The following RAD23B variants were observed in gnomAD, a reference collection of about 807,000 sequenced individuals.
The protein encoded by RAD23B is RAD23 nucleotide excision repair protein B, also known as lysine-specific demethylase RAD23B.
In RAD23B, 5 loss-of-function variants were observed where a neutral mutation model predicts 49.1. The observed-to-expected ratio is 0.10, with a 90% CI of 0.05 to 0.21. The LOEUF is 0.21. Ranked by LOEUF, RAD23B falls within the 10% of genes least tolerant of loss-of-function variation. The pLI is 1.00. For synonymous variants in RAD23B, 184 were observed against 165.4 expected (o/e 1.11, Z -0.86); for missense variants, 356 against 486.7 (o/e 0.73, Z 2.53).
chr9:107,300,109 T>G (rs1302037710), intron 1 of RAD23B, 32 bp from the exon 2 acceptor site: 1 of 1,585,436 alleles, frequency 6.3e-7, no homozygotes, highest in Admixed American at 1.9e-5. Context: ...TATTTAGACT[T>G]TTTCCAAAAC....
intron 4 of RAD23B, among the ~76,000 whole-genome samples, chr9:107,310,300 T>G (rs1487746885): frequency 1.3e-5 from 2 of 152,130 alleles, no homozygotes; most frequent in Non-Finnish European, 2.9e-5. Context: ...AAGAATAGTC[T>G]TCACTGTGAG....
chr9:107,295,840 A>T (rs1329308873), intron 1 of RAD23B, among the ~76,000 whole-genome samples: 2 of 152,222 alleles, frequency 1.3e-5, no homozygotes, highest in Non-Finnish European at 2.9e-5. Flanking sequence ...AGTACTGACA[A>T]ATAAATGGTG....
Position 107,288,104 on chromosome 9 carries a change from G to C in RAD23B, c.66+4409G>C, listed in dbSNP as rs1833311982. ...GCAGAACAAGATACAGGAAGAAACT[G>C]AGAAATCTGGTACATTTTTGCCAGA... On this transcript the variant is annotated intron_variant, in intron 1 of 9. Coordinates refer to ENST00000358015, the MANE Select transcript of RAD23B (RefSeq NM_002874.5). 2.0e-5 allele frequency among the ~76,000 whole-genome samples: 3 copies of C among 152,290 alleles called. No homozygotes were observed. In the South Asian group the frequency reaches 6.2e-4, roughly 32 times the overall value.
intron 7 of RAD23B, 102 bp downstream of exon 7, chr9:107,322,220 G>A (rs1827124356): frequency 7.4e-7 from 1 of 1,351,116 alleles, no homozygotes; most frequent in Non-Finnish European, 9.9e-7. Flanking sequence ...TCCCAGAGCA[G>A]TCGAATAATT....
chr9:107,306,331 C>T, intron 3 of RAD23B, 48 bp from the exon 4 acceptor site: 1 of 1,554,268 alleles, frequency 6.4e-7, no homozygotes, highest in Non-Finnish European at 8.8e-7. Context: ...AGAGATCAGG[C>T]AGTATGTAGT....
At chr9:107,298,421 C>A (rs570354443) in intron 1 of RAD23B, among the ~76,000 whole-genome samples, 1 of 151,426 alleles carries the variant, frequency 6.6e-6, no homozygotes, top group Non-Finnish European at 1.5e-5. Flanking sequence ...GATTCTTGTA[C>A]CTCGTCCTCC....
In RAD23B at chr9:107,311,952, C is replaced by T. The variant is rs7847325; in HGVS notation, c.553+215C>T. Among the ~76,000 whole-genome samples, 787 of 152,268 alleles carry T rather than the reference C, an allele frequency of 5.2e-3. 6 individuals carry two copies. The highest frequency in any genetic ancestry group is 0.018 in the African/African-American group (758 of 41,552). On this transcript the variant is annotated intron_variant, in intron 5 of 9. Transcript: ENST00000358015. ...TAAAACTTGCTCTGAGTTGAGCCTACTTGGTTAAAGCAAATAAATTTCCAT... is the reference window on the plus strand; with the variant it reads ...TAAAACTTGCTCTGAGTTGAGCCTATTTGGTTAAAGCAAATAAATTTCCAT...
chr9:107,283,725 C>G (rs1228404126), intron 1 of RAD23B, 30 bp downstream of exon 1: 3 of 1,256,102 alleles, frequency 2.4e-6, no homozygotes, highest in South Asian at 1.8e-5. Context: ...GCAGGGGCAG[C>G]CGCGTGCGGG....
rs932544394 is a variant in RAD23B at position 107,329,710 on chromosome 9, C to G, written c.*54C>G. On this transcript the variant is annotated 3_prime_UTR_variant, in exon 10 of 10. Transcript: ENST00000358015. ...CACCAGTGCATTACACTAACTTGTT[C>G]ACTGGATTGTCTGGGATGACTTGGG... is the stretch of plus-strand genomic sequence containing the variant. 8.4e-7 allele frequency: 1 copy of G among 1,186,894 alleles called. No homozygotes were observed. Among genetic ancestry groups the G allele is most frequent in the African/African-American group, 1.5e-5 (1 of 65,338 alleles). 73.5% of individuals were successfully genotyped at this position (1,186,894 alleles called of 1,614,324 possible). A position where few individuals can be genotyped will look rare whatever the true frequency, so the allele number is the denominator to read the frequency against.
At chr9:107,316,773 ACAGT>A (rs1374159395) in intron 5 of RAD23B, among the ~76,000 whole-genome samples, 3 of 152,078 alleles carry the variant, frequency 2.0e-5, no homozygotes, top group Non-Finnish European at 4.4e-5. Context: ...GGTTTCCTGC[ACAGT>A]CAAACTTGCA....
intron 4 of RAD23B, among the ~76,000 whole-genome samples, chr9:107,307,658 T>C (rs866238926): frequency 3.9e-5 from 6 of 152,200 alleles, no homozygotes; most frequent in Admixed American, 6.5e-5. Flanking sequence ...CAGAAAGATA[T>C]AGTTGTGATC....
Position 107,318,867 on chromosome 9 carries a change from G to A in RAD23B, c.669G>A (p.Glu223=), listed in dbSNP as rs745838207. Residue 223 remains glutamate, a synonymous_variant, in exon 6 of 10, where the codon GAG becomes GAA. Coordinates refer to ENST00000358015, the MANE Select transcript of RAD23B (RefSeq NM_002874.5). This position sits in a 1 kb window ranked among gnomAD's most constrained non-coding sequence, Gnocchi z 4.3. The part of the protein sequence containing the change: ...ASFNNPDRAV[E]YLLMGIPGDR... ...TCAACAACCCTGACAGAGCAGTGGA[G>A]TATCTTTTAATGGTGAGAAATATGT... is the stretch of plus-strand genomic sequence containing the variant. The A allele has an allele frequency of 6.2e-7, 1 of 1,612,212 alleles. No homozygotes were observed. Among genetic ancestry groups the A allele is most frequent in the South Asian group, 1.1e-5 (1 of 90,788 alleles).
At chr9:107,325,033 T>C (rs753870636) in intron 9 of RAD23B, 29 bp downstream of exon 9, 1 of 1,595,112 alleles carries the variant, frequency 6.3e-7, no homozygotes, top group African/African-American at 1.3e-5. Flanking sequence ...TTAAAAAAAT[T>C]AGTTCTTGGC....
chr9:107,324,900 C>G lies in RAD23B; in HGVS notation c.1012C>G (p.Gln338Glu), dbSNP rs1564253058. The change falls in exon 9 of 10, where the codon CAA becomes GAA. Residue 338 changes from glutamine (Q) to glutamate (E), a missense_variant. Gln to Glu is a conservative substitution (Grantham distance 29, BLOSUM62 2). This residue lies in a region of RAD23B where 148 missense variants were observed against 231.7 expected (regional missense o/e 0.64). Coordinates refer to ENST00000358015, the MANE Select transcript of RAD23B (RefSeq NM_002874.5). ...TGAACCAGTTCAAGAAGCTGGTGGT[C>G]AAGGAGGAGGAGGTGGAGGTGGCAG... ...LNEPVQEAGG[Q>E]GGGGGGGSGG... The G allele has an allele frequency of 6.2e-7, 1 of 1,613,388 alleles. No homozygotes were observed. Among genetic ancestry groups the G allele is most frequent in the Non-Finnish European group, 8.5e-7 (1 of 1,179,854 alleles).
intron 1 of RAD23B, among the ~76,000 whole-genome samples, chr9:107,294,993 T>G (rs1332947908): frequency 6.6e-6 from 1 of 150,884 alleles, no homozygotes; most frequent in Non-Finnish European, 1.5e-5. Flanking sequence ...AAGAGGAAGA[T>G]AGGAGAGGAT....
rs778269222 is a variant in RAD23B, at chr9:107,300,127, T to G, written c.67-14T>G. 2 of 1,589,808 alleles carry G rather than the reference T, an allele frequency of 1.3e-6. No homozygotes were observed. The highest frequency in any genetic ancestry group is 1.7e-6 in the Non-Finnish European group (2 of 1,171,918). ...TTAGACTTTTTCCAAAACAAATCTT[T>G]ATTTTTCCTATAGGTGAAAGCACTG... is the stretch of plus-strand genomic sequence containing the variant. On this transcript the variant is annotated splice_polypyrimidine_tract_variant and intron_variant, in intron 1 of 9. Transcript: ENST00000358015.
intron 1 of RAD23B, 89 bp downstream of exon 1, chr9:107,283,784 G>A (rs924093487): frequency 2.9e-5 from 35 of 1,215,074 alleles, no homozygotes; most frequent in Middle Eastern, 3.1e-4. Flanking sequence ...CGCTCCAGCG[G>A]GGGAAGCCCC....
chr9:107,299,062 C>T (rs1826596253), intron 1 of RAD23B, among the ~76,000 whole-genome samples: 2 of 152,136 alleles, frequency 1.3e-5, no homozygotes, highest in East Asian at 3.9e-4. Flanking sequence ...TTTCCGTCTC[C>T]TCATCTATAA....
Position 107,311,755 on chromosome 9 carries a change from C to T in RAD23B, c.553+18C>T. 6.5e-7 allele frequency: 1 copy of T among 1,544,668 alleles called. No individual in the cohort carries two copies. Among genetic ancestry groups the T allele is most frequent in the Non-Finnish European group, 8.7e-7 (1 of 1,149,166 alleles). ...TGCACTTGGTAAGTATCTGCTTTTC[C>T]TTATAAATAACCTATAAAGAGATAG... On this transcript the variant is annotated intron_variant, in intron 5 of 9. Transcript: ENST00000358015.
Sources: gnomAD v4.1 joint callset for allele counts (sites outside exome capture counted in the v4.1 genomes callset) on GRCh38, gnomAD v4.1.1 for gene constraint, gnomAD v4.1.1 regional missense constraint, Gnocchi (gnomAD v3.1) non-coding constraint, MANE v1.5 for transcripts, NCBI Gene and HGNC (gene_info 2026-07-23, HGNC 2026-07-21) for gene names.